The following CFAP69 variants were observed in gnomAD, a reference collection of about 807,000 sequenced individuals.
CFAP69 encodes the protein cilia- and flagella-associated protein 69.
CFAP69 carries 92 observed loss-of-function variants against 123.0 expected under a neutral mutation model. That is an observed-to-expected ratio of 0.75 (90% confidence interval 0.63 to 0.89). CFAP69 has a LOEUF of 0.89. CFAP69 is among the 40% of genes least tolerant of loss of function. The pLI, the probability that CFAP69 is intolerant of heterozygous loss-of-function variation, is 0.00. For synonymous variants in CFAP69, 380 were observed against 364.3 expected (o/e 1.04, Z -0.49); for missense variants, 1,067 against 1,096.9 (o/e 0.97, Z 0.39).
At position 90,310,856 on chromosome 7, in the gene CFAP69, G is replaced by A. The variant is rs1794259208; in HGVS notation, c.*618G>A. 1 of 152,080 alleles carries A rather than the reference G, an allele frequency of 6.6e-6. No homozygotes were observed. Among genetic ancestry groups the A allele is most frequent in the African/African-American group, 2.4e-5 (1 of 41,388 alleles). 9.4% of individuals were successfully genotyped at this position (152,080 alleles called of 1,614,324 possible). A position where few individuals can be genotyped will look rare whatever the true frequency, so the allele number is the denominator to read the frequency against. On this transcript the variant is annotated 3_prime_UTR_variant, in exon 23 of 23. Transcript: ENST00000389297. ...CATCCAAAACATATGGATAGAGTGGGGAATCAGGGTACTATTATCAGAAGC... is the reference window on the plus strand; with the variant it reads ...CATCCAAAACATATGGATAGAGTGGAGAATCAGGGTACTATTATCAGAAGC...
intron 13 of CFAP69, 21 bp from the exon 14 acceptor site, chr7:90,286,260 C>G (rs1554368835): frequency 6.4e-7 from 1 of 1,573,028 alleles, no homozygotes; most frequent in Non-Finnish European, 8.7e-7. Flanking sequence ...ACTATACAGT[C>G]TTTAAATGTT....
intron 15 of CFAP69, among the ~76,000 whole-genome samples, chr7:90,290,372 A>G (rs1186445693): frequency 1.3e-5 from 2 of 152,188 alleles, no homozygotes. Context: ...AAATATTTCC[A>G]TTTGAGTCTG....
rs1191178152 is a variant in CFAP69 at position 90,279,151 on chromosome 7, T to G, written c.1156-526T>G. On this transcript the variant is annotated intron_variant, in intron 11 of 22. Coordinates refer to ENST00000389297, the MANE Select transcript of CFAP69 (RefSeq NM_001039706.3). ...GGCTTGTGACCTAACTGACATTTAT[T>G]TGGTAGAATGTTTATGTAAGTACTG... Among the ~76,000 whole-genome samples, 3 of 152,226 alleles carry G rather than the reference T, an allele frequency of 2.0e-5. No individual in the cohort carries two copies. The East Asian group carries it at 5.8e-4, about 29-fold the overall frequency.
rs184803397 is a variant in CFAP69, at chr7:90,310,063, T to C, written c.2656-5T>C. On this transcript the variant is annotated splice_region_variant and splice_polypyrimidine_tract_variant and intron_variant, in intron 22 of 22. Transcript: ENST00000389297. ...CTTTTAGATATTTACCTTTTGCCTTTTTAGGTGCCCTCTGGTGGAGTAGTA... is the reference window on the plus strand; with the variant it reads ...CTTTTAGATATTTACCTTTTGCCTTCTTAGGTGCCCTCTGGTGGAGTAGTA... 7 of 1,603,408 alleles carry C rather than the reference T, an allele frequency of 4.4e-6. No homozygotes were observed. The East Asian group carries it at 1.3e-4, about 31-fold the overall frequency.
chr7:90,266,904 C>A (rs1799235255), intron 5 of CFAP69, among the ~76,000 whole-genome samples: 1 of 152,160 alleles, frequency 6.6e-6, no homozygotes, highest in African/African-American at 2.4e-5. Flanking sequence ...ATATTTCTGA[C>A]TCAGAGGCAA....
intron 12 of CFAP69, 148 bp from the exon 13 acceptor site, chr7:90,282,744 G>T: frequency 5.5e-6 from 3 of 543,360 alleles, no homozygotes; most frequent in Non-Finnish European, 8.8e-6. Flanking sequence ...AGGGAAAAGG[G>T]ATAATATTTT....
downstream of CFAP69, among the ~76,000 whole-genome samples, chr7:90,315,718 T>C (rs151111751): frequency 8.1e-3 from 1,231 of 152,316 alleles, 13 homozygotes; most frequent in African/African-American, 0.028. Context: ...AGTTTACCTA[T>C]AGAACAAACC....
At position 90,310,498 on chromosome 7, in the gene CFAP69, A is replaced by T. The variant is rs1048763541; in HGVS notation, c.*260A>T. Reference sequence around the variant, plus strand: ...TGTAAAACATAGTACATCAGTTAGGACTCTGTTGGTTGCATGTGAACTATT... The same window carrying T: ...TGTAAAACATAGTACATCAGTTAGGTCTCTGTTGGTTGCATGTGAACTATT... On this transcript the variant is annotated 3_prime_UTR_variant, in exon 23 of 23. Coordinates refer to ENST00000389297, the MANE Select transcript of CFAP69 (RefSeq NM_001039706.3). 35 of 210,956 alleles carry T rather than the reference A, an allele frequency of 1.7e-4. No individual in the cohort carries two copies. Among genetic ancestry groups the T allele is most frequent in the Non-Finnish European group, 3.0e-4 (32 of 108,248 alleles). The allele number at this position is 210,956 out of a possible 1,614,324, so 13.1% of individuals were successfully genotyped here.
chr7:90,292,090 C>T (rs536195647), intron 15 of CFAP69, among the ~76,000 whole-genome samples: 16 of 152,118 alleles, frequency 1.1e-4, no homozygotes, highest in Non-Finnish European at 2.1e-4. Flanking sequence ...TATAATAAGG[C>T]CAATTTGCTT....
intron 15 of CFAP69, among the ~76,000 whole-genome samples, chr7:90,291,378 G>C (rs1420332483): frequency 1.3e-5 from 2 of 152,220 alleles, no homozygotes; most frequent in East Asian, 3.9e-4. Flanking sequence ...GAGGTTATTT[G>C]TGTCAGCATA....
At chr7:90,268,441 C>T in intron 6 of CFAP69, 57 bp downstream of exon 6, 3 of 1,258,910 alleles carry the variant, frequency 2.4e-6, no homozygotes, top group Non-Finnish European at 3.4e-6. Context: ...ACAGAACATT[C>T]TCATATCTCT....
chr7:90,318,994 A>C, the CFAP69 span: 1 of 167,034 alleles, frequency 6.0e-6, no homozygotes, highest in African/African-American at 2.4e-5. Flanking sequence ...TATTGAAAAA[A>C]TTAATTTCAA....
In CFAP69 at chr7:90,265,086, C is replaced by A. The variant is rs571148515; in HGVS notation, c.357-215C>A. On this transcript the variant is annotated intron_variant, in intron 4 of 22. Transcript: ENST00000389297. ...GGATTACAGGTGTGAGCCACCGCACCCGGCCCCAGAAACATTTTTAATAGT... is the reference window on the plus strand; with the variant it reads ...GGATTACAGGTGTGAGCCACCGCACACGGCCCCAGAAACATTTTTAATAGT... 7.2e-5 allele frequency among the ~76,000 whole-genome samples: 11 copies of A among 152,170 alleles called. No individual in the cohort carries two copies. In the South Asian group the frequency reaches 2.3e-3, roughly 32 times the overall value.
At chr7:90,264,091 G>GGA (rs1798718764) in intron 4 of CFAP69, among the ~76,000 whole-genome samples, 1 of 17,998 alleles carries the variant, frequency 5.6e-5, no homozygotes. Context: ...ACTCCATCTC[G>GGA]AAAAAAAAAA....
intron 14 of CFAP69, among the ~76,000 whole-genome samples, chr7:90,287,044 C>T (rs1485181555): frequency 6.7e-6 from 1 of 148,186 alleles, no homozygotes; most frequent in Non-Finnish European, 1.5e-5. Flanking sequence ...CCAGATCTCA[C>T]CACTGCACTC....
intron 1 of CFAP69, among the ~76,000 whole-genome samples, chr7:90,247,931 A>G (rs1186802075): frequency 6.6e-6 from 1 of 152,276 alleles, no homozygotes. Flanking sequence ...AGACCTATAT[A>G]TATAATTGAA....
chr7:90,252,745 A>C (rs1484870496), intron 1 of CFAP69, among the ~76,000 whole-genome samples: 1 of 152,230 alleles, frequency 6.6e-6, no homozygotes, highest in Non-Finnish European at 1.5e-5. Context: ...ACTTAAAGTT[A>C]GCATGTTTCA....
chr7:90,272,151 A>G (rs1800048111), intron 8 of CFAP69, 193 bp downstream of exon 8: 1 of 459,790 alleles, frequency 2.2e-6, no homozygotes. Flanking sequence ...TCTATGTGGA[A>G]GGCTCTTGAA....
Position 90,245,398 on chromosome 7 carries a change from C to G in CFAP69, c.-27C>G, listed in dbSNP as rs761028997. The G allele has an allele frequency of 3.3e-6, 5 of 1,526,212 alleles. No individual in the cohort carries two copies. The highest frequency in any genetic ancestry group is 1.2e-5 in the South Asian group (1 of 80,936). The allele number at this position is 1,526,212 out of a possible 1,614,324, so 94.5% of individuals were successfully genotyped here. ...CGCACTGTAGGACAGGAAGATCCCC[C>G]CACTCTCCACCCCGCCGCCACCGGC... On this transcript the variant is annotated 5_prime_UTR_variant, in exon 1 of 23. Coordinates refer to ENST00000389297, the MANE Select transcript of CFAP69 (RefSeq NM_001039706.3).
Sources: gnomAD v4.1 joint callset for allele counts (sites outside exome capture counted in the v4.1 genomes callset) on GRCh38, gnomAD v4.1.1 for gene constraint, MANE v1.5 for transcripts, NCBI Gene and HGNC (gene_info 2026-07-23, HGNC 2026-07-21) for gene names.